PCP4: variants seen among roughly 807,000 people sequenced by gnomAD.
PCP4 encodes the protein Purkinje cell protein 4, also known as calmodulin regulator protein PCP4.
Under a neutral mutation model 10.0 loss-of-function variants are expected in PCP4, and 8 were observed. The ratio of observed to expected loss-of-function variants is 0.80; its 90% CI spans 0.47 to 1.45. The LOEUF is 1.45. PCP4 is among the 40% of genes most tolerant of loss of function. PCP4 has a pLI of 0.00. For synonymous variants in PCP4, 21 were observed against 23.0 expected (o/e 0.91, Z 0.24); for missense variants, 54 against 74.4 (o/e 0.73, Z 1.01).
At chr21:39,874,404 T>C (rs1057179107) in intron 1 of PCP4, among the ~76,000 whole-genome samples, 1 of 152,200 alleles carries the variant, frequency 6.6e-6, no homozygotes, top group Non-Finnish European at 1.5e-5. Flanking sequence ...ATTCCTGGTA[T>C]AACAATCCAA....
At chr21:39,920,198 T>C (rs1453669608) in intron 2 of PCP4, among the ~76,000 whole-genome samples, 1 of 146,602 alleles carries the variant, frequency 6.8e-6, no homozygotes, top group Non-Finnish European at 1.5e-5. Flanking sequence ...TTGTGTGTGA[T>C]ACGATATGTG....
At chr21:39,915,054 A>C (rs1276762518) in intron 2 of PCP4, among the ~76,000 whole-genome samples, 1 of 152,238 alleles carries the variant, frequency 6.6e-6, no homozygotes. Context: ...GGACCTGCTC[A>C]CATCAATTTC....
chr21:39,886,573 C>G (rs1047019221), intron 1 of PCP4, among the ~76,000 whole-genome samples: 2 of 152,098 alleles, frequency 1.3e-5, no homozygotes, highest in African/African-American at 4.8e-5. Flanking sequence ...CCATTGCACT[C>G]CAGCCTGGGC....
At chr21:39,872,428 G>A (rs932840631) in intron 1 of PCP4, among the ~76,000 whole-genome samples, 2 of 152,136 alleles carry the variant, frequency 1.3e-5, no homozygotes, top group Admixed American at 6.5e-5. Flanking sequence ...CTATTTGGAC[G>A]CACAGATAAT....
At chr21:39,887,369 T>TAA (rs1323929011) in intron 1 of PCP4, among the ~76,000 whole-genome samples, 9 of 150,286 alleles carry the variant, frequency 6.0e-5, no homozygotes, top group Admixed American at 1.3e-4. Flanking sequence ...TTTTTTTTTT[T>TAA]AAAAAACCTT....
At chr21:39,869,526 C>A (rs1601168579) in intron 1 of PCP4, among the ~76,000 whole-genome samples, 1 of 152,166 alleles carries the variant, frequency 6.6e-6, no homozygotes, top group Non-Finnish European at 1.5e-5. Context: ...GCTCACAAAA[C>A]CCCTCCCAGC....
intron 1 of PCP4, among the ~76,000 whole-genome samples, chr21:39,893,693 A>G (rs1390901164): frequency 6.6e-6 from 1 of 152,218 alleles, no homozygotes; most frequent in Non-Finnish European, 1.5e-5. Flanking sequence ...AAATAAGGAC[A>G]ATGTTGAAGG....
At chr21:39,894,358 A>G (rs1189561779) in intron 1 of PCP4, among the ~76,000 whole-genome samples, 1 of 152,218 alleles carries the variant, frequency 6.6e-6, no homozygotes, top group Non-Finnish European at 1.5e-5. Flanking sequence ...TCCCTTGGAA[A>G]ACATCAAAGA....
At chr21:39,877,793 C>T (rs962079016) in intron 1 of PCP4, among the ~76,000 whole-genome samples, 3 of 152,290 alleles carry the variant, frequency 2.0e-5, no homozygotes, top group East Asian at 1.9e-4. Context: ...GTGTTCTTGA[C>T]TTTGAGGTTA....
At chr21:39,892,860 A>G (rs2087439634) in intron 1 of PCP4, among the ~76,000 whole-genome samples, 1 of 152,204 alleles carries the variant, frequency 6.6e-6, no homozygotes, top group East Asian at 1.9e-4. Flanking sequence ...CAGCCGTAAA[A>G]AAGAATGAGA....
At chr21:39,927,279 GATCTATCTATCTATCT>G (rs10526940) in intron 2 of PCP4, among the ~76,000 whole-genome samples, 26 of 139,346 alleles carry the variant, frequency 1.9e-4, no homozygotes, top group East Asian at 4.2e-4. Flanking sequence ...CTGTCTCTCT[GATCTATCTATCTATCT>G]ATCTATCTAT....
intron 1 of PCP4, among the ~76,000 whole-genome samples, chr21:39,878,043 T>A (rs1266727074): frequency 6.6e-6 from 1 of 152,108 alleles, no homozygotes; most frequent in Non-Finnish European, 1.5e-5. Context: ...CCGTTTCATC[T>A]TCCCAGCACT....
chr21:39,895,618 C>G (rs754230630), intron 1 of PCP4, among the ~76,000 whole-genome samples: 5 of 152,258 alleles, frequency 3.3e-5, no homozygotes, highest in Non-Finnish European at 5.9e-5. Context: ...AAATTCCTCT[C>G]TGTGCCTCAG....
intron 2 of PCP4, among the ~76,000 whole-genome samples, chr21:39,899,842 T>G (rs1021398026): frequency 1.3e-5 from 2 of 152,032 alleles, no homozygotes; most frequent in African/African-American, 4.8e-5. Context: ...AGGAGCAATA[T>G]TGTAGTTGCC....
At chr21:39,927,349 C>CTATCTA (rs2087629086) in intron 2 of PCP4, among the ~76,000 whole-genome samples, 1 of 59,740 alleles carries the variant, frequency 1.7e-5, no homozygotes, top group African/African-American at 6.1e-5. Flanking sequence ...GTCTATCTAT[C>CTATCTA]TATCTATCTA....
At chr21:39,868,934 CT>C (rs2087306598) in intron 1 of PCP4, among the ~76,000 whole-genome samples, 1 of 152,030 alleles carries the variant, frequency 6.6e-6, no homozygotes, top group Non-Finnish European at 1.5e-5. Context: ...AGCTGGGGCT[CT>C]GAAATAGAGA....
At chr21:39,902,203 A>C (rs1387907578) in intron 2 of PCP4, among the ~76,000 whole-genome samples, 1 of 152,228 alleles carries the variant, frequency 6.6e-6, no homozygotes, top group African/African-American at 2.4e-5. Flanking sequence ...AAAAACCATC[A>C]AAATGTTATG....
intron 2 of PCP4, among the ~76,000 whole-genome samples, chr21:39,907,155 A>C (rs2087515497): frequency 6.6e-6 from 1 of 152,202 alleles, no homozygotes; most frequent in African/African-American, 2.4e-5. Flanking sequence ...TAATGCTGTC[A>C]GTGGGCAGAG....
At chr21:39,871,305 A>G (rs1027404628) in intron 1 of PCP4, among the ~76,000 whole-genome samples, 1 of 152,258 alleles carries the variant, frequency 6.6e-6, no homozygotes, top group Non-Finnish European at 1.5e-5. Flanking sequence ...TCCTAAGAAG[A>G]GAAAGATTAT....
Sources: gnomAD v4.1 joint callset for allele counts (sites outside exome capture counted in the v4.1 genomes callset) on GRCh38, gnomAD v4.1.1 for gene constraint, MANE v1.5 for transcripts, NCBI Gene and HGNC (gene_info 2026-07-23, HGNC 2026-07-21) for gene names.